RNF149: variants seen among roughly 807,000 people sequenced by gnomAD.
RNF149 encodes the protein ring finger protein 149.
A neutral mutation model predicts 39.0 loss-of-function variants in RNF149; 21 were observed. That is an observed-to-expected ratio of 0.54 (90% CI 0.38 to 0.77). The LOEUF is 0.77. Among genes scored for constraint, RNF149 ranks in the 30% least tolerant of loss-of-function variants. RNF149 has a pLI of 0.00. For missense variants in RNF149, 493 were observed against 534.9 expected, an observed-to-expected ratio of 0.92 and a Z score of 0.77; for synonymous variants, 209 against 213.6, an observed-to-expected ratio of 0.98 and a Z score of 0.19.
chr2:101,308,042 C>T (rs1487373995), intron 1 of RNF149, 87 bp downstream of exon 1: 3 of 1,501,834 alleles, frequency 2.0e-6, no homozygotes, highest in Non-Finnish European at 1.8e-6. Context: ...GCCCGCTTCG[C>T]GGCCTGCGGT....
chr2:101,303,281 ATT>A (rs57224969), intron 1 of RNF149, among the ~76,000 whole-genome samples: 53,274 of 135,290 alleles, frequency 0.39, 10,072 homozygotes, highest in East Asian at 0.53. Flanking sequence ...ACGTTGGCTC[ATT>A]TTTTTTTTTT....
chr2:101,284,629 G>T (rs2104396254), intron 5 of RNF149, among the ~76,000 whole-genome samples: 1 of 152,252 alleles, frequency 6.6e-6, no homozygotes, highest in Middle Eastern at 3.4e-3. Context: ...TAGTTGTTAA[G>T]GAAGTGGTCT....
At chr2:101,300,223 A>T (rs1046835164) in intron 1 of RNF149, among the ~76,000 whole-genome samples, 9 of 152,178 alleles carry the variant, frequency 5.9e-5, no homozygotes, top group African/African-American at 2.2e-4. Context: ...TAGACTGTAG[A>T]CCACAACAAA....
chr2:101,295,222 A>G (rs778299143), intron 1 of RNF149, 41 bp from the exon 2 acceptor site: 1 of 1,544,450 alleles, frequency 6.5e-7, no homozygotes, highest in East Asian at 2.2e-5. Flanking sequence ...AGAACACAAA[A>G]TAAGATACAG....
chr2:101,308,466 C>G lies in RNF149; in HGVS notation c.123G>C (p.Val41=). The change falls in exon 1 of 7, where the codon GTG becomes GTC. Residue 41 remains valine, a synonymous_variant. Transcript: ENST00000295317. ...GCGGGTCCACGTACTCGATGTTTACCACGGCCGAGAACCACTCGAGAGCCC... is the reference window on the plus strand; with the variant it reads ...GCGGGTCCACGTACTCGATGTTTACGACGGCCGAGAACCACTCGAGAGCCC... ...RGRALEWFSA[V]VNIEYVDPQT... The G allele has an allele frequency of 1.2e-6, 2 of 1,611,546 alleles. No individual in the cohort carries two copies. Among genetic ancestry groups the G allele is most frequent in the Non-Finnish European group, 1.7e-6 (2 of 1,179,350 alleles).
Position 101,295,192 on chromosome 2 carries a change from GAACAAA to G in RNF149, c.461-17_461-12del. On this transcript the variant is annotated splice_polypyrimidine_tract_variant and intron_variant, in intron 1 of 6. Coordinates refer to ENST00000295317, the MANE Select transcript of RNF149 (RefSeq NM_173647.4). Reference sequence around the variant, plus strand: ...CTATATTTCCTGTTCCTGTAGGAAAGAACAAAGAAATCAATGTGAAGAACACAAAAT... The same window carrying G: ...CTATATTTCCTGTTCCTGTAGGAAAGGAAATCAATGTGAAGAACACAAAAT... 6.2e-7 allele frequency: 1 copy of G among 1,606,106 alleles called. No individual in the cohort carries two copies. The highest frequency in any genetic ancestry group is 8.5e-7 in the Non-Finnish European group (1 of 1,173,700).
At chr2:101,290,110 G>A (rs1344713874) in intron 3 of RNF149, among the ~76,000 whole-genome samples, 1 of 152,036 alleles carries the variant, frequency 6.6e-6, no homozygotes, top group Non-Finnish European at 1.5e-5. Context: ...AACCCAGGAG[G>A]TGGAGGTTGC....
At chr2:101,272,763 A>G (rs1682175344), downstream of RNF149, 1 of 365,046 alleles carries the variant, frequency 2.7e-6, no homozygotes, top group Non-Finnish European at 5.3e-6. Context: ...AAAAGAAAAG[A>G]CTATTGCCAA....
At chr2:101,291,409 A>G (rs907466776) in intron 3 of RNF149, among the ~76,000 whole-genome samples, 6 of 150,520 alleles carry the variant, frequency 4.0e-5, no homozygotes, top group African/African-American at 1.5e-4. Context: ...TCGGCCTCCC[A>G]AAGTGCTGGG....
At chr2:101,291,926 C>A (rs763073035) in intron 3 of RNF149, among the ~76,000 whole-genome samples, 7 of 152,318 alleles carry the variant, frequency 4.6e-5, no homozygotes, top group African/African-American at 1.4e-4. Context: ...CTCACTGAAT[C>A]CACTGTAAGT....
chr2:101,271,908 T>G (rs781566281), downstream of RNF149, among the ~76,000 whole-genome samples: 1 of 152,252 alleles, frequency 6.6e-6, no homozygotes, highest in African/African-American at 2.4e-5. Flanking sequence ...AGTGTACATA[T>G]ACATTTACAC....
intron 6 of RNF149, among the ~76,000 whole-genome samples, chr2:101,278,803 T>C (rs964618510): frequency 7.9e-5 from 12 of 152,098 alleles, no homozygotes; most frequent in Non-Finnish European, 1.5e-5. Flanking sequence ...TTTTGATCAA[T>C]CTCTCCAATT....
intron 6 of RNF149, among the ~76,000 whole-genome samples, chr2:101,277,705 TA>T (rs1370056061): frequency 1.3e-5 from 2 of 152,066 alleles, no homozygotes; most frequent in Non-Finnish European, 2.9e-5. Context: ...AAATTTTAAA[TA>T]AAACATACAT....
Position 101,276,684 on chromosome 2 carries a change from A to G in RNF149, c.*554T>C. 1 of 985,796 alleles carries G rather than the reference A, an allele frequency of 1.0e-6. No homozygotes were observed. The highest frequency in any genetic ancestry group is 1.7e-5 in the African/African-American group (1 of 57,346). 61.1% of individuals were successfully genotyped at this position (985,796 alleles called of 1,614,324 possible). On this transcript the variant is annotated 3_prime_UTR_variant, in exon 7 of 7. Coordinates refer to ENST00000295317, the MANE Select transcript of RNF149 (RefSeq NM_173647.4). ...CTTTCTCATAATTCTAAACAAAGAA[A>G]AAGTGCTCTCAGGTTTTGAAATCTT...
intron 1 of RNF149, among the ~76,000 whole-genome samples, chr2:101,305,736 G>A (rs1455198588): frequency 6.6e-6 from 1 of 152,106 alleles, no homozygotes; most frequent in Non-Finnish European, 1.5e-5. Flanking sequence ...GAGAGGAGGG[G>A]GAGAGGGAGA....
At position 101,276,138 on chromosome 2, in the gene RNF149, ATAAC is replaced by A. The variant is rs1243602948; in HGVS notation, c.*1096_*1099del. 9 of 966,312 alleles carry A rather than the reference ATAAC, an allele frequency of 9.3e-6. No homozygotes were observed. Among genetic ancestry groups the A allele is most frequent in the South Asian group, 4.8e-5 (1 of 20,922 alleles). The allele number at this position is 966,312 out of a possible 1,614,324, so 59.9% of individuals were successfully genotyped here. A position where few individuals can be genotyped will look rare whatever the true frequency, so the allele number is the denominator to read the frequency against. ...TACCTACAAAGTAAAGATATACAGA[ATAAC>A]TAGGAGCAAGGAAAGACTATAATTC... On this transcript the variant is annotated 3_prime_UTR_variant, in exon 7 of 7. Transcript: ENST00000295317.
rs560937560 is a variant in RNF149 at position 101,287,054 on chromosome 2, G to T, written c.864-877C>A. Among the ~76,000 whole-genome samples, 24 of 152,352 alleles carry T rather than the reference G, an allele frequency of 1.6e-4. No individual in the cohort carries two copies. In the South Asian group the frequency reaches 4.6e-3, roughly 29 times the overall value. ...ACAGTACTCGCGGCCGGGCATGGTG[G>T]CTCACGCCTGTAATCCCAACATTTT... On this transcript the variant is annotated intron_variant, in intron 4 of 6. Transcript: ENST00000295317.
At chr2:101,288,430 G>T (rs1481434105) in intron 4 of RNF149, among the ~76,000 whole-genome samples, 2 of 151,800 alleles carry the variant, frequency 1.3e-5, no homozygotes, top group African/African-American at 4.8e-5. Context: ...TAGAGACGGG[G>T]TTTCACCATG....
intron 6 of RNF149, 175 bp downstream of exon 6, chr2:101,281,684 A>G: frequency 1.5e-6 from 1 of 661,168 alleles, no homozygotes; most frequent in Non-Finnish European, 2.5e-6. Flanking sequence ...AAGTTTTTGT[A>G]GAGATGGGGT....
Sources: allele counts gnomAD v4.1 joint callset (sites outside exome capture counted in the v4.1 genomes callset), GRCh38; gene constraint gnomAD v4.1.1; transcripts MANE v1.5; gene names NCBI Gene and HGNC (gene_info 2026-07-23, HGNC 2026-07-21).